PEX13: variants seen among roughly 807,000 people sequenced by gnomAD.
PEX13 encodes the protein peroxisome biogenesis factor 13.
PEX13 carries 28 observed loss-of-function variants against 34.5 expected under a neutral mutation model. The observed-to-expected ratio is 0.81, with a 90% confidence interval of 0.60 to 1.11. The LOEUF (loss-of-function observed/expected upper bound fraction) is 1.11, where lower values mean the gene tolerates loss of function less well. Ranked by LOEUF, PEX13 falls within the 50% of genes most tolerant of loss-of-function variation. The probability of loss-of-function intolerance (pLI) is 0.00; values close to 1 mark genes in which losing one functional copy is unlikely to be tolerated. For missense variants in PEX13, 550 were observed against 491.0 expected (o/e 1.12, Z -1.13); for synonymous variants, 177 against 175.1 (o/e 1.01, Z -0.09).
chr2:61,021,220 C>T (rs1361344457), intron 1 of PEX13, among the ~76,000 whole-genome samples: 1 of 152,180 alleles, frequency 6.6e-6, no homozygotes, highest in East Asian at 1.9e-4. Context: ...CGGGGCATCA[C>T]CTCACCCAGG....
At position 61,048,737 on chromosome 2, in the gene PEX13, C is replaced by G. The variant is rs1680751099; in HGVS notation, c.1179C>G (p.Ser393=). The part of the protein sequence containing the change: ...ETNKVPVAPD[S]IGKDGEKQDL ...ATAAGGTTCCAGTTGCACCTGATTC[C>G]ATTGGGAAAGATGGAGAAAAGCAAG... The change falls in exon 4 of 4, where the codon TCC becomes TCG. Residue 393 remains serine (S), a synonymous_variant. Coordinates refer to ENST00000295030, the MANE Select transcript of PEX13 (RefSeq NM_002618.4). 6.2e-7 allele frequency: 1 copy of G among 1,613,822 alleles called. No homozygotes were observed. The highest frequency in any genetic ancestry group is 8.5e-7 in the Non-Finnish European group (1 of 1,179,848).
At chr2:61,022,493 A>G (rs1200695108) in intron 1 of PEX13, among the ~76,000 whole-genome samples, 1 of 152,260 alleles carries the variant, frequency 6.6e-6, no homozygotes, top group Non-Finnish European at 1.5e-5. Context: ...TGTTTATTGT[A>G]TCAACCTTCT....
intron 2 of PEX13, among the ~76,000 whole-genome samples, chr2:61,038,740 T>G (rs2104808184): frequency 6.6e-6 from 1 of 152,316 alleles, no homozygotes; most frequent in Middle Eastern, 3.4e-3. Flanking sequence ...AACATGGTGT[T>G]AGAAGTTCTG....
At chr2:61,036,436 A>G (rs192731773) in intron 2 of PEX13, among the ~76,000 whole-genome samples, 1 of 152,380 alleles carries the variant, frequency 6.6e-6, no homozygotes, top group Non-Finnish European at 1.5e-5. Flanking sequence ...AGCTCTCAGC[A>G]GAAACCCTAC....
intron 1 of PEX13, among the ~76,000 whole-genome samples, chr2:61,025,916 A>T (rs1680345951): frequency 6.6e-6 from 1 of 152,056 alleles, no homozygotes; most frequent in Non-Finnish European, 1.5e-5. Context: ...TCCCAATCTG[A>T]AGTGTGAGGG....
chr2:61,026,496 C>A (rs1021372935), intron 1 of PEX13, among the ~76,000 whole-genome samples: 2 of 151,824 alleles, frequency 1.3e-5, no homozygotes, highest in African/African-American at 2.4e-5. Flanking sequence ...TACAGGCGCC[C>A]ACCACCACGC....
At chr2:61,040,887 T>C (rs923830227) in intron 2 of PEX13, among the ~76,000 whole-genome samples, 1 of 149,860 alleles carries the variant, frequency 6.7e-6, no homozygotes, top group Non-Finnish European at 1.5e-5. Context: ...TATATATATA[T>C]ACACCTTTTT....
rs1680751811 is a variant in PEX13 at position 61,048,775 on chromosome 2, T to G, written c.*5T>G. The G allele has an allele frequency of 1.2e-6, 2 of 1,609,478 alleles. No homozygotes were observed. The highest frequency in any genetic ancestry group is 1.7e-6 in the Non-Finnish European group (2 of 1,175,870). ...GGAGAAAAGCAAGATCTTTGATATC[T>G]TTCATGTTTGCCTGCAGTTGAACAA... is the stretch of plus-strand genomic sequence containing the variant. On this transcript the variant is annotated 3_prime_UTR_variant, in exon 4 of 4. Transcript: ENST00000295030.
intron 1 of PEX13, among the ~76,000 whole-genome samples, chr2:61,022,696 C>G (rs1314539451): frequency 2.6e-5 from 4 of 152,116 alleles, no homozygotes; most frequent in African/African-American, 7.2e-5. Flanking sequence ...TAACAAGACT[C>G]TGTCTATAAA....
At chr2:61,046,977 T>C (rs1320597884) in intron 3 of PEX13, among the ~76,000 whole-genome samples, 1 of 152,136 alleles carries the variant, frequency 6.6e-6, no homozygotes, top group Non-Finnish European at 1.5e-5. Flanking sequence ...TAGTCCCACC[T>C]ACTCAAGGGG....
At chr2:61,035,603 A>G (rs1314597946) in intron 2 of PEX13, among the ~76,000 whole-genome samples, 1 of 152,228 alleles carries the variant, frequency 6.6e-6, no homozygotes, top group East Asian at 1.9e-4. Context: ...GCTAACTAGA[A>G]TAAAGAGTGT....
At chr2:61,032,965 ATAG>A (rs1680476845) in intron 2 of PEX13, among the ~76,000 whole-genome samples, 2 of 152,216 alleles carry the variant, frequency 1.3e-5, no homozygotes, top group Non-Finnish European at 2.9e-5. Flanking sequence ...TTGAAAGCTA[ATAG>A]TAGAAGCTCT....
Position 61,048,849 on chromosome 2 carries a change from C to G in PEX13, c.*79C>G. 8.5e-7 allele frequency: 1 copy of G among 1,182,362 alleles called. No individual in the cohort carries two copies. Among genetic ancestry groups the G allele is most frequent in the South Asian group, 1.3e-5 (1 of 77,464 alleles). The allele number at this position is 1,182,362 out of a possible 1,614,324, so 73.2% of individuals were successfully genotyped here. A position where few individuals can be genotyped will look rare whatever the true frequency, so the allele number is the denominator to read the frequency against. On this transcript the variant is annotated 3_prime_UTR_variant, in exon 4 of 4. Transcript: ENST00000295030. Reference sequence around the variant, plus strand: ...TATTTCTCACAAAGAAATGAATGTACAATCCAATGAAAACATTTGTTATTG... The same window carrying G: ...TATTTCTCACAAAGAAATGAATGTAGAATCCAATGAAAACATTTGTTATTG...
At position 61,047,798 on chromosome 2, in the gene PEX13, T is replaced by C. The variant is rs1340311309; in HGVS notation, c.914-674T>C. ...AAAGTCTTATATTGTGCCTAAATTATAATGTTGAACTAAAATTGTAACAGT... is the reference window on the plus strand; with the variant it reads ...AAAGTCTTATATTGTGCCTAAATTACAATGTTGAACTAAAATTGTAACAGT... On this transcript the variant is annotated intron_variant, in intron 3 of 3. Coordinates refer to ENST00000295030, the MANE Select transcript of PEX13 (RefSeq NM_002618.4). Among the ~76,000 whole-genome samples the C allele has an allele frequency of 2.0e-5, 3 of 152,224 alleles. No individual in the cohort carries two copies. In the East Asian group the frequency reaches 5.8e-4, roughly 29 times the overall value.
rs958350556 is a variant in PEX13, at chr2:61,051,746, C to G, written c.*2976C>G. On this transcript the variant is annotated 3_prime_UTR_variant, in exon 4 of 4. Transcript: ENST00000295030. ...ATAAAACATGTTTCTTTTAATTTTT[C>G]TGATTATATTTTATGAGTTCAGAAA... is the stretch of plus-strand genomic sequence containing the variant. The G allele has an allele frequency of 7.9e-5, 12 of 152,066 alleles. No homozygotes were observed. Among genetic ancestry groups the G allele is most frequent in the African/African-American group, 2.9e-4 (12 of 41,384 alleles). The allele number at this position is 152,066 out of a possible 1,614,324, so 9.4% of individuals were successfully genotyped here.
chr2:61,020,715 C>T (rs752045918), intron 1 of PEX13, among the ~76,000 whole-genome samples: 9 of 151,954 alleles, frequency 5.9e-5, no homozygotes, highest in Non-Finnish European at 1.0e-4. Context: ...AGTGCAGAGA[C>T]GCAATCTTGG....
intron 1 of PEX13, among the ~76,000 whole-genome samples, chr2:61,021,114 G>A (rs761898252): frequency 9.9e-5 from 15 of 152,186 alleles, no homozygotes; most frequent in Non-Finnish European, 2.2e-4. Flanking sequence ...CGCACAGGAC[G>A]GGTGATTTCT....
chr2:61,027,460 C>A (rs1053557813), intron 1 of PEX13, among the ~76,000 whole-genome samples: 4 of 152,152 alleles, frequency 2.6e-5, no homozygotes, highest in African/African-American at 7.2e-5. Context: ...ACAGTCCTCT[C>A]CCTCTCTTAG....
chr2:61,040,712 C>T (rs141253930), intron 2 of PEX13, among the ~76,000 whole-genome samples: 80 of 149,816 alleles, frequency 5.3e-4, no homozygotes, highest in African/African-American at 1.9e-3. Context: ...ACTGTGCACA[C>T]GTACCCTAGA....
Sources: gnomAD v4.1 joint callset for allele counts (sites outside exome capture counted in the v4.1 genomes callset) on GRCh38, gnomAD v4.1.1 for gene constraint, MANE v1.5 for transcripts, NCBI Gene and HGNC (gene_info 2026-07-23, HGNC 2026-07-21) for gene names.